Variants in KCNQ1 observed in about 807,000 individuals in gnomAD.
KCNQ1 encodes the protein potassium voltage-gated channel subfamily KQT member 1.
A neutral mutation model predicts 72.4 loss-of-function variants in KCNQ1; 49 were observed. The observed-to-expected ratio is 0.68, with a 90% CI of 0.54 to 0.86. KCNQ1 has a LOEUF of 0.86. KCNQ1 is among the 40% of genes least tolerant of loss of function. The pLI, the probability that KCNQ1 is intolerant of heterozygous loss-of-function variation, is 0.00. For synonymous variants in KCNQ1, 450 were observed against 412.6 expected (o/e 1.09, Z -1.10); for missense variants, 790 against 945.1 (o/e 0.84, Z 2.15).
intron 11 of KCNQ1, chr11:2,667,416 T>C: frequency 2.5e-6 from 1 of 398,702 alleles, no homozygotes; most frequent in Non-Finnish European, 4.4e-6. Flanking sequence ...CCTCTCCACT[T>C]GTGAACTCCC....
intron 6 of KCNQ1, 131 bp downstream of exon 6, chr11:2,573,117 T>C: frequency 8.8e-7 from 1 of 1,134,064 alleles, no homozygotes; most frequent in Non-Finnish European, 1.2e-6. Flanking sequence ...CACAGGCCTC[T>C]GTCCACAAAC....
rs758286288 is a variant in KCNQ1, at chr11:2,783,633, A to G, written c.1794+5596A>G. Among the ~76,000 whole-genome samples the G allele has an allele frequency of 1.3e-5, 2 of 152,110 alleles. No homozygotes were observed. The highest frequency in any genetic ancestry group is 2.4e-5 in the African/African-American group (1 of 41,464). On this transcript the variant is annotated intron_variant, in intron 15 of 15. Coordinates refer to ENST00000155840, the MANE Select transcript of KCNQ1 (RefSeq NM_000218.3). The surrounding 1 kb of genome is among the most constrained non-coding windows in gnomAD (Gnocchi z 5.2). ...TTTTGCTTTCTCACCAGTAAAGTAT[A>G]AAGGTTCCACTTTCTCCACAGCCTT... is the stretch of plus-strand genomic sequence containing the variant.
chr11:2,592,186 A>G lies in KCNQ1; in HGVS notation c.1393+3332A>G, dbSNP rs548618946. The stretch of plus-strand genomic sequence containing the variant: ...CACAAGCCCCTTCAGCTCGTGCTCT[A>G]GCTGGTGCTGTGCGGTGTTGGCCCC... On this transcript the variant is annotated intron_variant, in intron 10 of 15. Transcript: ENST00000155840. The surrounding 1 kb of genome is among the most constrained non-coding windows in gnomAD (Gnocchi z 5.2). Among the ~76,000 whole-genome samples the G allele has an allele frequency of 1.7e-4, 26 of 152,322 alleles. No homozygotes were observed. The highest frequency in any genetic ancestry group is 5.5e-4 in the African/African-American group (23 of 41,580).
chr11:2,836,587 GGGT>G (rs1848069613), intron 15 of KCNQ1, among the ~76,000 whole-genome samples: 1 of 152,196 alleles, frequency 6.6e-6, no homozygotes, highest in African/African-American at 2.4e-5. Flanking sequence ...AGCAGGGACT[GGGT>G]GGTGATGTCA....
At chr11:2,835,585 C>T (rs1465850270) in intron 15 of KCNQ1, among the ~76,000 whole-genome samples, 1 of 152,188 alleles carries the variant, frequency 6.6e-6, no homozygotes, top group African/African-American at 2.4e-5. Flanking sequence ...GCAGAAGCCC[C>T]ACCTCCAAGG....
rs1248876731 is a variant in KCNQ1 at position 2,673,451 on chromosome 11, C to A, written c.1514+11370C>A. On this transcript the variant is annotated intron_variant, in intron 11 of 15. Coordinates refer to ENST00000155840, the MANE Select transcript of KCNQ1 (RefSeq NM_000218.3). The surrounding 1 kb of genome is among the most constrained non-coding windows in gnomAD (Gnocchi z 4.5). Reference sequence around the variant, plus strand: ...AGGTTCCAACTTGGTGTTGGGCCTCCTTGAGCCGGAACACCTGAAAAGCCA... The same window carrying A: ...AGGTTCCAACTTGGTGTTGGGCCTCATTGAGCCGGAACACCTGAAAAGCCA... 1.3e-5 allele frequency: 5 copies of A among 398,576 alleles called. No homozygotes were observed. Among genetic ancestry groups the A allele is most frequent in the Non-Finnish European group, 2.2e-5 (5 of 226,086 alleles). The allele number at this position is 398,576 out of a possible 1,614,324, so 24.7% of individuals were successfully genotyped here.
rs943167233 is a variant in KCNQ1 at position 2,656,130 on chromosome 11, T to C, written c.1394-5831T>C. 62 of 398,556 alleles carry C rather than the reference T, an allele frequency of 1.6e-4. No individual in the cohort carries two copies. Among genetic ancestry groups the C allele is most frequent in the Middle Eastern group, 1.2e-3 (2 of 1,610 alleles). The allele number at this position is 398,556 out of a possible 1,614,324, so 24.7% of individuals were successfully genotyped here. ...ACTCTACGTTCTAGCCTGTGCTCCA[T>C]CGTTCCTTCTACATACAAGTGATGC... On this transcript the variant is annotated intron_variant, in intron 10 of 15. Transcript: ENST00000155840.
At chr11:2,640,732 T>C (rs1849561898) in intron 10 of KCNQ1, 2 of 398,464 alleles carry the variant, frequency 5.0e-6, no homozygotes, top group African/African-American at 2.1e-5. Flanking sequence ...TACATTATAT[T>C]GTTAAATATA....
chr11:2,771,107 G>A (rs899489464), intron 12 of KCNQ1, among the ~76,000 whole-genome samples: 3 of 152,248 alleles, frequency 2.0e-5, no homozygotes, highest in African/African-American at 7.2e-5. Flanking sequence ...CAGCAGGGCA[G>A]AGCCAGAGCC....
chr11:2,793,202 G>A (rs1321644663), intron 15 of KCNQ1, among the ~76,000 whole-genome samples: 1 of 152,192 alleles, frequency 6.6e-6, no homozygotes, highest in East Asian at 1.9e-4. Context: ...CAAACACAAG[G>A]GCTCTTGTTC....
rs562085013 is a variant in KCNQ1 at position 2,724,230 on chromosome 11, G to A, written c.1515-44614G>A. Among the ~76,000 whole-genome samples the A allele has an allele frequency of 9.9e-5, 15 of 152,268 alleles. No homozygotes were observed. Among genetic ancestry groups the A allele is most frequent in the South Asian group, 2.1e-4 (1 of 4,830 alleles). ...TCAGATGATATACAGTCCTCCTCCCGGCTCAGGACCCCTTTGCGGTGTCAC... is the reference window on the plus strand; with the variant it reads ...TCAGATGATATACAGTCCTCCTCCCAGCTCAGGACCCCTTTGCGGTGTCAC... On this transcript the variant is annotated intron_variant, in intron 11 of 15. Coordinates refer to ENST00000155840, the MANE Select transcript of KCNQ1 (RefSeq NM_000218.3). The surrounding 1 kb of genome is among the most constrained non-coding windows in gnomAD (Gnocchi z 6.8).
rs374090960 is a variant in KCNQ1, at chr11:2,587,631, G to A, written c.1190G>A (p.Arg397Gln). The change falls in exon 9 of 16, where the codon CGG (arginine) becomes CAG (glutamine). Residue 397 changes from arginine (R) to glutamine (Q), a missense_variant. Transcript: ENST00000155840. ...TCCTCCACCTGGAAGATCTACATCC[G>A]GAAGGCCCCCCGGAGCCACACTCTG... ...PDSSTWKIYI[R>Q]KAPRSHTLLS... The A allele has an allele frequency of 2.3e-5, 37 of 1,613,852 alleles. No individual in the cohort carries two copies. Among genetic ancestry groups the A allele is most frequent in the Non-Finnish European group, 2.7e-5 (32 of 1,180,024 alleles).
At position 2,445,721 on chromosome 11, in the gene KCNQ1, G is replaced by A. The variant is rs538627444; in HGVS notation, c.386+237G>A. Among the ~76,000 whole-genome samples the A allele has an allele frequency of 1.8e-4, 27 of 152,370 alleles. No individual in the cohort carries two copies. In the South Asian group the frequency reaches 5.6e-3, roughly 32 times the overall value. ...CCGGCGTGGGGAGGGAGCCGGCTGG[G>A]GAGGGGACCACCTGGAGCCCAGAAT... On this transcript the variant is annotated intron_variant, in intron 1 of 15. Coordinates refer to ENST00000155840, the MANE Select transcript of KCNQ1 (RefSeq NM_000218.3).
At position 2,778,817 on chromosome 11, in the gene KCNQ1, C is replaced by T. The variant is rs568947061; in HGVS notation, c.1794+780C>T. The stretch of plus-strand genomic sequence containing the variant: ...TTGGGCAGGGAGTGCGTCTGCCGCC[C>T]GGTTTCCCTGGCAACGCCTGGCTCT... On this transcript the variant is annotated intron_variant, in intron 15 of 15. Coordinates refer to ENST00000155840, the MANE Select transcript of KCNQ1 (RefSeq NM_000218.3). Among the ~76,000 whole-genome samples the T allele has an allele frequency of 3.4e-4, 51 of 152,226 alleles. 1 individual carries two copies. Among genetic ancestry groups the T allele is most frequent in the Non-Finnish European group, 6.2e-4 (42 of 68,038 alleles).
intron 6 of KCNQ1, among the ~76,000 whole-genome samples, chr11:2,576,560 G>A (rs1202803789): frequency 6.6e-6 from 1 of 152,216 alleles, no homozygotes; most frequent in Non-Finnish European, 1.5e-5. Flanking sequence ...AGAATTGAAA[G>A]TAAAGAAGCT....
chr11:2,742,616 T>TG (rs1204700692), intron 11 of KCNQ1, among the ~76,000 whole-genome samples: 1 of 152,256 alleles, frequency 6.6e-6, no homozygotes, highest in African/African-American at 2.4e-5. Flanking sequence ...TTTACCGATT[T>TG]GGTTTTCTGG....
At chr11:2,527,810 A>T in intron 1 of KCNQ1, 118 bp from the exon 2 acceptor site, 3 of 845,232 alleles carry the variant, frequency 3.5e-6, no homozygotes, top group Non-Finnish European at 4.0e-6. Flanking sequence ...TGGGTTTTCG[A>T]AGCACTGTCT....
chr11:2,692,316 A>T, intron 11 of KCNQ1: 2 of 398,924 alleles, frequency 5.0e-6, no homozygotes, highest in Non-Finnish European at 8.8e-6. Context: ...CCCTATTGCC[A>T]CTGTCCTGAT....
chr11:2,846,723 C>T (rs868383441), intron 15 of KCNQ1, among the ~76,000 whole-genome samples: 1 of 152,266 alleles, frequency 6.6e-6, no homozygotes, highest in South Asian at 2.1e-4. Context: ...CCACCCGGGG[C>T]GGGCTCCAGC....
Sources: gnomAD v4.1 joint callset for allele counts (sites outside exome capture counted in the v4.1 genomes callset) on GRCh38, gnomAD v4.1.1 for gene constraint, Gnocchi (gnomAD v3.1) non-coding constraint, MANE v1.5 for transcripts, NCBI Gene and HGNC (gene_info 2026-07-23, HGNC 2026-07-21) for gene names.